The following KIAA2012 variants were observed in gnomAD, a reference collection of about 807,000 sequenced individuals.
KIAA2012 encodes uncharacterized protein KIAA2012.
Under a neutral mutation model 150.6 loss-of-function variants are expected in KIAA2012, and 125 were observed. The observed-to-expected ratio is 0.83, with a 90% CI of 0.72 to 0.96. The LOEUF (loss-of-function observed/expected upper bound fraction) is 0.96. Ranked by LOEUF, KIAA2012 falls within the 40% of genes least tolerant of loss-of-function variation. KIAA2012 has a pLI of 0.00. For missense variants in KIAA2012, 1,219 were observed against 1,354.9 expected, an observed-to-expected ratio of 0.90 and a Z score of 1.57; for synonymous variants, 462 against 504.7, an observed-to-expected ratio of 0.92 and a Z score of 1.13.
Position 202,196,941 on chromosome 2 carries a change from A to T in KIAA2012, c.3329A>T (p.Glu1110Val), listed in dbSNP as rs1692426562. Residue 1110 changes from glutamate to valine, a missense_variant, in exon 22 of 24, where the codon GAG becomes GTG. By Grantham distance (121) the Glu-to-Val change is moderately radical. Transcript: ENST00000498697. Reference sequence around the variant, plus strand: ...GAAGAGAAGGCTCGGCTGGAGGCAGAGGAGAGGAGGCAAAAAGAAGAGGAA... The same window carrying T: ...GAAGAGAAGGCTCGGCTGGAGGCAGTGGAGAGGAGGCAAAAAGAAGAGGAA... ...EAEEKARLEAEERRQKEEEAA... is the reference protein window; with the variant it reads ...EAEEKARLEAVERRQKEEEAA... The T allele has an allele frequency of 1.3e-6, 2 of 1,550,582 alleles. No individual in the cohort carries two copies. The highest frequency in any genetic ancestry group is 8.7e-7 in the Non-Finnish European group (1 of 1,147,018).
At chr2:202,193,561 G>C in intron 20 of KIAA2012, 58 bp downstream of exon 20, 1 of 1,518,012 alleles carries the variant, frequency 6.6e-7, no homozygotes. Context: ...GAAAAAGACA[G>C]TGGTTGACCT....
intron 2 of KIAA2012, among the ~76,000 whole-genome samples, chr2:202,078,517 A>G (rs772722290): frequency 1.2e-4 from 19 of 152,080 alleles, no homozygotes; most frequent in Non-Finnish European, 2.1e-4. Flanking sequence ...TCGAACTCCT[A>G]GGTTCAAGAA....
chr2:202,078,890 T>A (rs1444681735), intron 2 of KIAA2012, among the ~76,000 whole-genome samples: 1 of 152,078 alleles, frequency 6.6e-6, no homozygotes, highest in African/African-American at 2.4e-5. Context: ...CTAATATAAA[T>A]CTGTTTTTAA....
chr2:202,177,848 T>A (rs1692028332), intron 15 of KIAA2012, among the ~76,000 whole-genome samples: 1 of 152,200 alleles, frequency 6.6e-6, no homozygotes, highest in Admixed American at 6.5e-5. Context: ...CACACCATAG[T>A]AGCATGTGAT....
rs558297326 is a variant in KIAA2012 at position 202,111,017 on chromosome 2, C to T, written c.1651+1228C>T. On this transcript the variant is annotated intron_variant, in intron 10 of 23. Coordinates refer to ENST00000498697, the MANE Select transcript of KIAA2012 (RefSeq NM_001277372.4). ...GGGTTGGAACTTCTCTTTCACAACC[C>T]CCTCCCCTTTATACTTGTGTGACAG... 4.2e-4 allele frequency among the ~76,000 whole-genome samples: 64 copies of T among 152,252 alleles called. No homozygotes were observed. The Middle Eastern group carries it at 0.01, about 24-fold the overall frequency.
intron 9 of KIAA2012, among the ~76,000 whole-genome samples, chr2:202,108,682 C>T (rs1472064321): frequency 2.0e-5 from 3 of 152,182 alleles, no homozygotes; most frequent in Admixed American, 2.0e-4. Context: ...TCCCTCTCAG[C>T]CCATCATATC....
chr2:202,132,068 C>T lies in KIAA2012; in HGVS notation c.1832-6364C>T, dbSNP rs367764133. 6.1e-4 allele frequency among the ~76,000 whole-genome samples: 93 copies of T among 152,106 alleles called. 1 individual carries two copies. In the South Asian group the frequency reaches 0.018, roughly 30 times the overall value. Reference sequence around the variant, plus strand: ...GTGCATGCCTGTAATCTCAGCTACTCGGGAGGCTGAGGCAGGAGAATCGCT... The same window carrying T: ...GTGCATGCCTGTAATCTCAGCTACTTGGGAGGCTGAGGCAGGAGAATCGCT... On this transcript the variant is annotated intron_variant, in intron 12 of 23. Coordinates refer to ENST00000498697, the MANE Select transcript of KIAA2012 (RefSeq NM_001277372.4).
At chr2:202,198,052 T>G (rs1174777803) in intron 22 of KIAA2012, among the ~76,000 whole-genome samples, 1 of 151,272 alleles carries the variant, frequency 6.6e-6, no homozygotes, top group East Asian at 1.9e-4. Flanking sequence ...CAGGCACCTG[T>G]CATTCCAGCT....
chr2:202,103,208 T>C, intron 8 of KIAA2012, 94 bp downstream of exon 8: 1 of 1,185,622 alleles, frequency 8.4e-7, no homozygotes, highest in Non-Finnish European at 1.2e-6. Context: ...TGACGTTCCC[T>C]ATGGTCATCC....
chr2:202,153,654 A>G (rs1264377595), intron 13 of KIAA2012, among the ~76,000 whole-genome samples: 1 of 152,096 alleles, frequency 6.6e-6, no homozygotes, highest in Non-Finnish European at 1.5e-5. Context: ...TCTCCCTGTC[A>G]CAAACCACCT....
At chr2:202,186,479 T>G (rs565954470) in intron 16 of KIAA2012, among the ~76,000 whole-genome samples, 1 of 149,200 alleles carries the variant, frequency 6.7e-6, no homozygotes, top group African/African-American at 2.5e-5. Flanking sequence ...ACCATTGCAC[T>G]CCAGCCTGGG....
In KIAA2012 at chr2:202,132,788, GTA is replaced by G. The variant is rs757979483; in HGVS notation, c.1832-5630_1832-5629del. Among the ~76,000 whole-genome samples the G allele has an allele frequency of 6.0e-5, 4 of 66,544 alleles. 1 individual carries two copies. Among genetic ancestry groups the G allele is most frequent in the African/African-American group, 7.8e-5 (1 of 12,816 alleles). The allele number at this position is 66,544 out of a possible 152,430, so 43.7% of individuals were successfully genotyped here. On this transcript the variant is annotated intron_variant, in intron 12 of 23. Coordinates refer to ENST00000498697, the MANE Select transcript of KIAA2012 (RefSeq NM_001277372.4). ...TATACATATATACATATATATATGCGTATATATATATATATTTTTTTTTTCAG... is the reference window on the plus strand; with the variant it reads ...TATACATATATACATATATATATGCGTATATATATATATTTTTTTTTTCAG...
At position 202,132,788 on chromosome 2, in the gene KIAA2012, G is replaced by GTA. The variant is rs757979483; in HGVS notation, c.1832-5630_1832-5629dup. Among the ~76,000 whole-genome samples, 178 of 66,572 alleles carry GTA rather than the reference G, an allele frequency of 2.7e-3. 5 individuals carry two copies. The highest frequency in any genetic ancestry group is 3.3e-3 in the African/African-American group (42 of 12,844). The allele number at this position is 66,572 out of a possible 152,430, so 43.7% of individuals were successfully genotyped here. ...TATACATATATACATATATATATGC[G>GTA]TATATATATATATATTTTTTTTTTC... is the stretch of plus-strand genomic sequence containing the variant. On this transcript the variant is annotated intron_variant, in intron 12 of 23. Coordinates refer to ENST00000498697, the MANE Select transcript of KIAA2012 (RefSeq NM_001277372.4).
intron 7 of KIAA2012, among the ~76,000 whole-genome samples, chr2:202,102,213 G>A (rs1183801546): frequency 1.3e-5 from 2 of 150,590 alleles, no homozygotes; most frequent in African/African-American, 5.0e-5. Flanking sequence ...CACTTTTTGG[G>A]GGACAGAAAA....
intron 10 of KIAA2012, among the ~76,000 whole-genome samples, chr2:202,111,933 C>T (rs1317614601): frequency 6.6e-6 from 1 of 152,088 alleles, no homozygotes; most frequent in Non-Finnish European, 1.5e-5. Flanking sequence ...CCTGCTAGTC[C>T]AGGTAGCTGG....
chr2:202,125,173 C>A (rs1457350651), intron 11 of KIAA2012, 41 bp from the exon 12 acceptor site: 5 of 1,487,226 alleles, frequency 3.4e-6, no homozygotes, highest in East Asian at 2.5e-5. Flanking sequence ...TTTTACAAGA[C>A]TTTTTCCCGC....
chr2:202,113,312 C>T (rs1475155983), intron 10 of KIAA2012, 24 bp from the exon 11 acceptor site: 3 of 1,525,596 alleles, frequency 2.0e-6, no homozygotes, highest in South Asian at 2.4e-5. Context: ...ACTGACACTG[C>T]CTATGCTTGT....
At chr2:202,075,514 A>T (rs1689306862) in intron 2 of KIAA2012, among the ~76,000 whole-genome samples, 1 of 152,204 alleles carries the variant, frequency 6.6e-6, no homozygotes. Context: ...GGATCCTTGA[A>T]ATCCTGTCTC....
At chr2:202,123,868 A>G (rs1000761032) in intron 11 of KIAA2012, among the ~76,000 whole-genome samples, 1 of 151,770 alleles carries the variant, frequency 6.6e-6, no homozygotes, top group Admixed American at 6.6e-5. Flanking sequence ...TCTCTCTCAT[A>G]CAAACACACC....
Sources: gnomAD v4.1 joint callset for allele counts (sites outside exome capture counted in the v4.1 genomes callset) on GRCh38, gnomAD v4.1.1 for gene constraint, MANE v1.5 for transcripts, NCBI Gene and HGNC (gene_info 2026-07-23, HGNC 2026-07-21) for gene names.